The following SEC24D variants were observed in gnomAD, a reference collection of about 807,000 sequenced individuals.
SEC24D encodes protein transport protein Sec24D.
A neutral mutation model predicts 116.9 loss-of-function variants in SEC24D; 69 were observed. That is an observed-to-expected ratio of 0.59 (90% confidence interval 0.49 to 0.72). The LOEUF is 0.72. Ranked by LOEUF, SEC24D falls within the 30% of genes least tolerant of loss-of-function variation. The pLI is 0.00. For synonymous variants in SEC24D, 405 were observed against 442.8 expected (o/e 0.91, Z 1.07); for missense variants, 1,131 against 1,264.1 (o/e 0.89, Z 1.60).
At chr4:118,757,960 T>C (rs1042786166) in intron 10 of SEC24D, 115 bp from the exon 11 acceptor site, 4 of 791,954 alleles carry the variant, frequency 5.1e-6, no homozygotes, top group Non-Finnish European at 3.9e-6. Context: ...ATTTAGGATA[T>C]ACCATCTGTG....
intron 2 of SEC24D, among the ~76,000 whole-genome samples, chr4:118,832,694 T>C (rs1360544823): frequency 1.3e-5 from 2 of 152,182 alleles, no homozygotes; most frequent in Admixed American, 1.3e-4. Context: ...TGCATAGCAT[T>C]GTATGAGGAT....
At chr4:118,829,641 C>T (rs1452729598) in intron 2 of SEC24D, among the ~76,000 whole-genome samples, 2 of 152,078 alleles carry the variant, frequency 1.3e-5, no homozygotes, top group East Asian at 1.9e-4. Flanking sequence ...AGAGAAACCC[C>T]GTCTCTACTA....
intron 8 of SEC24D, among the ~76,000 whole-genome samples, chr4:118,778,086 G>C (rs1441026136): frequency 6.6e-6 from 1 of 152,084 alleles, no homozygotes; most frequent in Non-Finnish European, 1.5e-5. Flanking sequence ...AGTTTCTTTT[G>C]CTGTGCAGAA....
At chr4:118,774,098 G>T (rs945312988) in intron 8 of SEC24D, among the ~76,000 whole-genome samples, 17 of 151,634 alleles carry the variant, frequency 1.1e-4, no homozygotes, top group Non-Finnish European at 2.2e-4. Flanking sequence ...AATGCTTTTA[G>T]TTGGCTCTTC....
chr4:118,740,840 T>C (rs1046535519), intron 16 of SEC24D, 32 bp from the exon 17 acceptor site: 2 of 1,612,312 alleles, frequency 1.2e-6, no homozygotes, highest in Non-Finnish European at 1.7e-6. Flanking sequence ...AAATTTTGCT[T>C]GTCTTTATTC....
intron 13 of SEC24D, 116 bp downstream of exon 13, chr4:118,751,880 T>TA: frequency 1.4e-6 from 1 of 737,600 alleles, no homozygotes; most frequent in African/African-American, 1.8e-5. Context: ...GAATAGCCTC[T>TA]AGTGACCCAC....
intron 10 of SEC24D, among the ~76,000 whole-genome samples, chr4:118,762,663 T>C (rs1727441655): frequency 6.6e-6 from 1 of 152,248 alleles, no homozygotes; most frequent in Admixed American, 6.5e-5. Flanking sequence ...CTCATTATTA[T>C]ACTTTATTTA....
chr4:118,757,753 T>C lies in SEC24D; in HGVS notation c.1389A>G (p.Glu463=), dbSNP rs1390713312. Residue 463 remains glutamate, a synonymous_variant, in exon 11 of 23, where the codon GAA becomes GAG. Transcript: ENST00000280551. ...IKNGLVKLIC[E]ELKTMLEKIP... is the part of the protein sequence containing the mutation. ...TTTTTTCCAGCATGGTCTTCAGTTCTTCACATATGAGCTTGACAAGTCCAT... is the reference window on the plus strand; with the variant it reads ...TTTTTTCCAGCATGGTCTTCAGTTCCTCACATATGAGCTTGACAAGTCCAT... The C allele has an allele frequency of 1.9e-6, 3 of 1,609,902 alleles. No individual in the cohort carries two copies. The highest frequency in any genetic ancestry group is 1.1e-5 in the South Asian group (1 of 90,186).
chr4:118,752,996 G>T, intron 11 of SEC24D, 108 bp from the exon 12 acceptor site: 3 of 785,232 alleles, frequency 3.8e-6, no homozygotes, highest in Non-Finnish European at 5.7e-6. Flanking sequence ...ATAAAAACAT[G>T]TTTAAAGTTT....
intron 4 of SEC24D, among the ~76,000 whole-genome samples, chr4:118,816,569 T>C (rs894982816): frequency 6.6e-6 from 1 of 152,240 alleles, no homozygotes; most frequent in East Asian, 1.9e-4. Context: ...TCTCTGATTA[T>C]GGGAAACTGG....
At chr4:118,804,561 C>T (rs1364172104) in intron 7 of SEC24D, among the ~76,000 whole-genome samples, 1 of 150,858 alleles carries the variant, frequency 6.6e-6, no homozygotes, top group East Asian at 1.9e-4. Flanking sequence ...ATGAAATTGC[C>T]ACCTTTTATA....
chr4:118,762,416 G>A (rs56389935), intron 10 of SEC24D, among the ~76,000 whole-genome samples: 6,140 of 152,176 alleles, frequency 0.04, 182 homozygotes, highest in Non-Finnish European at 0.063. Context: ...ATGATGGTAC[G>A]CACCACATGG....
chr4:118,807,933 C>A (rs1286091985), intron 6 of SEC24D, among the ~76,000 whole-genome samples: 1 of 152,154 alleles, frequency 6.6e-6, no homozygotes, highest in Non-Finnish European at 1.5e-5. Context: ...ATTTTGACCA[C>A]AAGGTTAATC....
chr4:118,749,043 T>C (rs1372353369), intron 13 of SEC24D, among the ~76,000 whole-genome samples: 6 of 152,056 alleles, frequency 3.9e-5, no homozygotes, highest in Non-Finnish European at 7.4e-5. Context: ...TTGCCAAATC[T>C]TACCCCCAAT....
intron 13 of SEC24D, among the ~76,000 whole-genome samples, chr4:118,750,044 G>A (rs1560634587): frequency 6.6e-6 from 1 of 152,100 alleles, no homozygotes; most frequent in Non-Finnish European, 1.5e-5. Context: ...AAATGTCAAG[G>A]TAAAAATATG....
intron 2 of SEC24D, among the ~76,000 whole-genome samples, chr4:118,832,597 T>A (rs1328632449): frequency 6.6e-6 from 1 of 152,196 alleles, no homozygotes; most frequent in Non-Finnish European, 1.5e-5. Context: ...TGGGTATGAA[T>A]CCTGGTGCTA....
intron 6 of SEC24D, 148 bp downstream of exon 6, chr4:118,814,880 T>C (rs1730070691): frequency 1.2e-6 from 1 of 817,300 alleles, no homozygotes; most frequent in Non-Finnish European, 1.9e-6. Flanking sequence ...CATACATGCA[T>C]ATAAGGAAGG....
rs750847772 is a variant in SEC24D, at chr4:118,743,973, A to T, written c.1995+15T>A. ...GGGAGTAGAAGACCAAGGTGAACAAATTGCTGGCATTTACCTGGAAATTGT... is the reference window on the plus strand; with the variant it reads ...GGGAGTAGAAGACCAAGGTGAACAATTTGCTGGCATTTACCTGGAAATTGT... On this transcript the variant is annotated intron_variant, in intron 15 of 22. Transcript: ENST00000280551. 1.3e-6 allele frequency: 2 copies of T among 1,590,202 alleles called. No individual in the cohort carries two copies. Among genetic ancestry groups the T allele is most frequent in the Non-Finnish European group, 8.6e-7 (1 of 1,168,996 alleles).
At chr4:118,813,794 T>C (rs1191391302) in intron 6 of SEC24D, among the ~76,000 whole-genome samples, 1 of 152,232 alleles carries the variant, frequency 6.6e-6, no homozygotes, top group Non-Finnish European at 1.5e-5. Flanking sequence ...CTGTTGTTTT[T>C]AGTCACCTGA....
Sources: gnomAD v4.1 joint callset for allele counts (sites outside exome capture counted in the v4.1 genomes callset) on GRCh38, gnomAD v4.1.1 for gene constraint, MANE v1.5 for transcripts, NCBI Gene and HGNC (gene_info 2026-07-23, HGNC 2026-07-21) for gene names.